The following AFF3 variants were observed in gnomAD, a reference collection of about 807,000 sequenced individuals.
AFF3 encodes ALF transcription elongation factor 3.
In AFF3, 32 loss-of-function variants were observed where a neutral mutation model predicts 129.7. That is an observed-to-expected ratio of 0.25 (90% CI 0.19 to 0.33). The LOEUF (loss-of-function observed/expected upper bound fraction) is 0.33. AFF3 is among the 10% of genes least tolerant of loss of function. The pLI, the probability that AFF3 is intolerant of heterozygous loss-of-function variation, is 1.00. For synonymous variants in AFF3, 644 were observed against 635.4 expected, an observed-to-expected ratio of 1.01 and a Z score of -0.20; for missense variants, 1,373 against 1,592.0, an observed-to-expected ratio of 0.86 and a Z score of 2.34.
intron 4 of AFF3, among the ~76,000 whole-genome samples, chr2:100,066,335 G>T (rs992689984): frequency 6.6e-6 from 1 of 152,100 alleles, no homozygotes; most frequent in African/African-American, 2.4e-5. Context: ...TTGGAGGAAG[G>T]GGTGGTATCT....
At chr2:100,059,625 T>C (rs189759543) in intron 4 of AFF3, among the ~76,000 whole-genome samples, 2 of 152,352 alleles carry the variant, frequency 1.3e-5, no homozygotes, top group Admixed American at 1.3e-4. Context: ...ATGTGAATTA[T>C]ATCTGAATAT....
chr2:100,131,836 A>G (rs1340527559), intron 1 of AFF3, among the ~76,000 whole-genome samples: 5 of 152,192 alleles, frequency 3.3e-5, no homozygotes, highest in Non-Finnish European at 5.9e-5. Flanking sequence ...CACCCACTAT[A>G]TCCTAGACCT....
At chr2:99,878,355 A>G (rs1245868124) in intron 7 of AFF3, among the ~76,000 whole-genome samples, 1 of 152,230 alleles carries the variant, frequency 6.6e-6, no homozygotes, top group Non-Finnish European at 1.5e-5. Flanking sequence ...AGACTTAATC[A>G]GACTTTTTTG....
chr2:99,586,737 T>C (rs1006675710), intron 16 of AFF3, among the ~76,000 whole-genome samples: 15 of 152,216 alleles, frequency 9.9e-5, no homozygotes, highest in African/African-American at 3.6e-4. Flanking sequence ...TTTTAGTCTA[T>C]ATCCAATTAA....
chr2:99,871,447 T>C (rs184267462), intron 7 of AFF3, among the ~76,000 whole-genome samples: 13 of 152,252 alleles, frequency 8.5e-5, no homozygotes. Context: ...GAATTCTCTA[T>C]GATCCATCGC....
intron 7 of AFF3, among the ~76,000 whole-genome samples, chr2:99,925,885 G>A (rs1403245381): frequency 6.6e-6 from 1 of 152,204 alleles, no homozygotes; most frequent in Non-Finnish European, 1.5e-5. Flanking sequence ...CCAGGGAGTT[G>A]CTGTACTATC....
At chr2:99,901,244 A>G (rs534585755) in intron 7 of AFF3, among the ~76,000 whole-genome samples, 3 of 152,228 alleles carry the variant, frequency 2.0e-5, no homozygotes, top group African/African-American at 7.2e-5. Flanking sequence ...TACCTCCCCA[A>G]GGCATTATGT....
At chr2:100,070,963 T>C (rs1349539617) in intron 4 of AFF3, among the ~76,000 whole-genome samples, 2 of 152,220 alleles carry the variant, frequency 1.3e-5, no homozygotes, top group Admixed American at 6.5e-5. Flanking sequence ...ATAGGATATA[T>C]TGTTTCTGGT....
chr2:99,976,028 C>A (rs932745028), intron 7 of AFF3, among the ~76,000 whole-genome samples: 1 of 152,058 alleles, frequency 6.6e-6, no homozygotes, highest in Non-Finnish European at 1.5e-5. Flanking sequence ...CAGAAGAGCT[C>A]ATTTTCCTAG....
intron 19 of AFF3, among the ~76,000 whole-genome samples, chr2:99,567,557 C>T (rs1206924838): frequency 6.6e-6 from 1 of 152,050 alleles, no homozygotes; most frequent in African/African-American, 2.4e-5. Context: ...GCTGGGAAGG[C>T]CACAGGGAGG....
intron 2 of AFF3, chr2:100,107,568 T>C: frequency 1.1e-6 from 1 of 931,994 alleles, no homozygotes; most frequent in East Asian, 1.2e-4. Flanking sequence ...GAGGGTCTTT[T>C]CTCCCCACAT....
chr2:99,877,625 A>G (rs910196937), intron 7 of AFF3, among the ~76,000 whole-genome samples: 4 of 152,254 alleles, frequency 2.6e-5, no homozygotes, highest in African/African-American at 9.6e-5. Flanking sequence ...ACATGAAGCC[A>G]GGATGATTAT....
chr2:99,715,915 G>A (rs1048467189), intron 11 of AFF3, among the ~76,000 whole-genome samples: 7 of 152,110 alleles, frequency 4.6e-5, no homozygotes, highest in South Asian at 2.1e-4. Context: ...CTCGTGATCC[G>A]CCTGCCTCGG....
chr2:99,812,461 G>C (rs980706303), intron 8 of AFF3, among the ~76,000 whole-genome samples: 5 of 151,414 alleles, frequency 3.3e-5, no homozygotes, highest in African/African-American at 1.2e-4. Flanking sequence ...AGCCTCTGGA[G>C]ATAAGACTTT....
chr2:99,988,338 A>C (rs1163566172), intron 7 of AFF3, among the ~76,000 whole-genome samples: 1 of 152,192 alleles, frequency 6.6e-6, no homozygotes, highest in Non-Finnish European at 1.5e-5. Flanking sequence ...TTCACGCTAA[A>C]AGCATGGAGG....
intron 11 of AFF3, among the ~76,000 whole-genome samples, chr2:99,700,052 C>T (rs972361181): frequency 6.6e-6 from 1 of 151,928 alleles, no homozygotes; most frequent in Admixed American, 6.6e-5. Context: ...TGGGCAGTAT[C>T]TACTCTGCCT....
intron 2 of AFF3, among the ~76,000 whole-genome samples, chr2:100,121,925 G>T (rs187510532): frequency 0.013 from 2,041 of 152,106 alleles, 52 homozygotes; most frequent in African/African-American, 0.046. Context: ...AGCCGGGCGC[G>T]GTGGCGGGCG....
chr2:99,798,722 T>C (rs917695897), intron 8 of AFF3, among the ~76,000 whole-genome samples: 2 of 152,036 alleles, frequency 1.3e-5, no homozygotes, highest in Non-Finnish European at 2.9e-5. Flanking sequence ...TATCACATTG[T>C]CTAACGGACC....
chr2:99,948,673 G>GAGCCC (rs1202563571), intron 7 of AFF3, among the ~76,000 whole-genome samples: 1 of 152,100 alleles, frequency 6.6e-6, no homozygotes, highest in Non-Finnish European at 1.5e-5. Context: ...TCTCCAGACA[G>GAGCCC]AGCCCGCAAG....
Sources: gnomAD v4.1 joint callset for allele counts (sites outside exome capture counted in the v4.1 genomes callset) on GRCh38, gnomAD v4.1.1 for gene constraint, MANE v1.5 for transcripts, NCBI Gene and HGNC (gene_info 2026-07-23, HGNC 2026-07-21) for gene names.